COL4A6: variants seen among roughly 807,000 people sequenced by gnomAD.
COL4A6 encodes collagen type IV alpha 6 chain, also known as collagen alpha-6(IV) chain.
In COL4A6, 59 loss-of-function variants were observed where a neutral mutation model predicts 126.7. That is an observed-to-expected ratio of 0.47 (90% CI 0.38 to 0.58). The LOEUF is 0.58. Ranked by LOEUF, COL4A6 falls within the 20% of genes least tolerant of loss-of-function variation. The pLI, the probability that COL4A6 is intolerant of heterozygous loss-of-function variation, is 0.00. For synonymous variants in COL4A6, 547 were observed against 496.6 expected, an observed-to-expected ratio of 1.10 and a Z score of -1.35; for missense variants, 1,285 against 1,337.3, an observed-to-expected ratio of 0.96 and a Z score of 0.61.
rs60172559 is a variant in COL4A6, at chrX:108,178,799, G to T, written c.2400C>A (p.Gly800=). 2.2e-4 allele frequency: 269 copies of T among 1,209,788 alleles called. No individual in the cohort carries two copies. The African/African-American group carries it at 4.4e-3, about 20-fold the overall frequency. ...CCACCTGTCCTGGTGTCCCAGGGCT[G>T]CCCCGCTCACCTTTGGGGCCTAGTA... The part of the protein sequence containing the change: ...PGLLGPKGER[G]SPGTPGQVGQ... Residue 800 remains glycine (G), a synonymous_variant, in exon 27 of 45, where the codon GGC becomes GGA. Transcript: ENST00000334504.
At chrX:108,279,588 A>G (rs897874138) in intron 3 of COL4A6, among the ~76,000 whole-genome samples, 1 of 111,586 alleles carries the variant, frequency 9.0e-6, no homozygotes. Context: ...GATCAACGAG[A>G]CAGAGAGTTA....
chrX:108,250,722 T>C (rs1483609706), intron 3 of COL4A6, among the ~76,000 whole-genome samples: 1 of 111,505 alleles, frequency 9.0e-6, no homozygotes, highest in East Asian at 2.9e-4. Flanking sequence ...ACCGTGCAGA[T>C]AAATGAATTA....
chrX:108,369,788 A>C (rs947602828), intron 2 of COL4A6, among the ~76,000 whole-genome samples: 4 of 112,358 alleles, frequency 3.6e-5, no homozygotes, highest in Admixed American at 2.8e-4. Flanking sequence ...AGGGCCAAAC[A>C]GTAAATGTTT....
chrX:108,416,722 T>C (rs2041442925), intron 2 of COL4A6, among the ~76,000 whole-genome samples: 1 of 112,219 alleles, frequency 8.9e-6, no homozygotes, highest in South Asian at 3.7e-4. Flanking sequence ...TGTATTCTTT[T>C]AGCTCTTTAT....
intron 3 of COL4A6, among the ~76,000 whole-genome samples, chrX:108,242,983 A>G (rs2036614944): frequency 9.0e-6 from 1 of 111,620 alleles, no homozygotes; most frequent in Non-Finnish European, 1.9e-5. Context: ...GATTAGAAAC[A>G]TGCTAGATAC....
Position 108,211,673 on chromosome X carries a change from T to G in COL4A6, c.509A>C (p.Lys170Thr), listed in dbSNP as rs1414806968. The G allele has an allele frequency of 7.4e-6, 9 of 1,210,554 alleles. No homozygotes were observed. The highest frequency in any genetic ancestry group is 2.3e-4 in the Middle Eastern group (1 of 4,262). The change falls in exon 7 of 45, where the codon AAG (lysine) becomes ACG (threonine). Residue 170 changes from lysine to threonine, a missense_variant and splice_region_variant. Coordinates refer to ENST00000334504, the MANE Select transcript of COL4A6 (RefSeq NM_033641.4). ...GCTATCTGACTTACAGGTTCTTACC[T>G]TCATTCCTTTGAAACTACCTGGAGC... ...VLAPGSFKGM[K>T]GDPGLPGLDG...
chrX:108,285,714 C>T (rs1268405999), intron 3 of COL4A6, among the ~76,000 whole-genome samples: 1 of 111,794 alleles, frequency 8.9e-6, no homozygotes. Context: ...AACAGATCAA[C>T]TGTATGCCCA....
chrX:108,367,155 T>C (rs1173948804), intron 2 of COL4A6, among the ~76,000 whole-genome samples: 8 of 112,234 alleles, frequency 7.1e-5, no homozygotes, highest in African/African-American at 2.6e-4. Flanking sequence ...TTTGTGTTTA[T>C]TTCATTACTA....
At chrX:108,335,599 G>A (rs982889151) in intron 2 of COL4A6, among the ~76,000 whole-genome samples, 2 of 111,262 alleles carry the variant, frequency 1.8e-5, no homozygotes, top group African/African-American at 6.5e-5. Context: ...ATATGTATGT[G>A]TATAAATATA....
At chrX:108,303,373 C>G (rs1019536765) in intron 3 of COL4A6, among the ~76,000 whole-genome samples, 1 of 111,281 alleles carries the variant, frequency 9.0e-6, no homozygotes, top group Non-Finnish European at 1.9e-5. Flanking sequence ...CATCTGGCAA[C>G]TGAAGGAGGG....
chrX:108,243,859 A>G (rs1404832750), intron 3 of COL4A6, among the ~76,000 whole-genome samples: 2 of 112,013 alleles, frequency 1.8e-5, no homozygotes, highest in African/African-American at 6.5e-5. Context: ...TACAGGATAG[A>G]CATGAACACC....
At chrX:108,426,395 A>G (rs1375481810) in intron 2 of COL4A6, among the ~76,000 whole-genome samples, 1 of 111,199 alleles carries the variant, frequency 9.0e-6, no homozygotes, top group African/African-American at 3.3e-5. Flanking sequence ...AATAACACCA[A>G]CTCCCCCTCA....
intron 3 of COL4A6, among the ~76,000 whole-genome samples, chrX:108,271,258 T>C (rs776904540): frequency 9.0e-6 from 1 of 111,426 alleles, no homozygotes; most frequent in Admixed American, 9.5e-5. Flanking sequence ...AATAAACTCT[T>C]GATGGAAAGC....
chrX:108,163,281 G>A (rs2034020285), intron 40 of COL4A6: 2 of 332,721 alleles, frequency 6.0e-6, no homozygotes, highest in Admixed American at 6.4e-5. Context: ...GTCTCCTCAG[G>A]GCCCAGCATT....
At position 108,156,956 on chromosome X, in the gene COL4A6, G is replaced by T; in HGVS notation, c.*44C>A. ...CATTCAGGTTTGTGAGGTGACTGTT[G>T]TGAGGGGCAGGGGAGGGCAAGGGGC... On this transcript the variant is annotated 3_prime_UTR_variant, in exon 45 of 45. Transcript: ENST00000334504. The T allele has an allele frequency of 8.6e-7, 1 of 1,160,359 alleles. No homozygotes were observed. Among genetic ancestry groups the T allele is most frequent in the East Asian group, 3.0e-5 (1 of 33,600 alleles).
At position 108,160,669 on chromosome X, in the gene COL4A6, T is replaced by A; in HGVS notation, c.4334-15A>T. On this transcript the variant is annotated splice_polypyrimidine_tract_variant and intron_variant, in intron 42 of 44. Transcript: ENST00000334504. ...CCCTGGAGCTCCTGAGAGAGACAGA[T>A]CATAAAAGGTGAGTGTGGTGCAGCT... is the stretch of plus-strand genomic sequence containing the variant. 2.5e-6 allele frequency: 3 copies of A among 1,184,592 alleles called. No individual in the cohort carries two copies. Among genetic ancestry groups the A allele is most frequent in the Non-Finnish European group, 3.4e-6 (3 of 879,304 alleles).
intron 2 of COL4A6, among the ~76,000 whole-genome samples, chrX:108,371,292 A>G (rs980770862): frequency 9.1e-6 from 1 of 110,457 alleles, no homozygotes; most frequent in Non-Finnish European, 1.9e-5. Context: ...TTAAAAAAGC[A>G]ATATATGAAC....
intron 2 of COL4A6, among the ~76,000 whole-genome samples, chrX:108,382,913 A>G (rs1457808423): frequency 9.4e-6 from 1 of 105,880 alleles, no homozygotes; most frequent in Non-Finnish European, 1.9e-5. Flanking sequence ...ATGCCACTGT[A>G]CTCCAGTCTG....
intron 2 of COL4A6, among the ~76,000 whole-genome samples, chrX:108,349,802 C>T (rs1027511180): frequency 8.9e-6 from 1 of 111,780 alleles, no homozygotes; most frequent in Non-Finnish European, 1.9e-5. Context: ...GTAACAATCC[C>T]TGCAACATAA....
Sources: allele counts gnomAD v4.1 joint callset (sites outside exome capture counted in the v4.1 genomes callset), GRCh38; gene constraint gnomAD v4.1.1; transcripts MANE v1.5; gene names NCBI Gene and HGNC (gene_info 2026-07-23, HGNC 2026-07-21).